The following PARP15 variants were observed in gnomAD, a reference collection of about 807,000 sequenced individuals.
The protein encoded by PARP15 is protein mono-ADP-ribosyltransferase PARP15.
Under a neutral mutation model 62.1 loss-of-function variants are expected in PARP15, and 50 were observed. That is an observed-to-expected ratio of 0.81 (90% CI 0.64 to 1.02). PARP15 has a LOEUF of 1.02. Ranked by LOEUF, PARP15 falls within the 50% of genes least tolerant of loss-of-function variation. The probability of loss-of-function intolerance (pLI) is 0.00; values close to 1 mark genes in which losing one functional copy is unlikely to be tolerated. For synonymous variants in PARP15, 309 were observed against 293.1 expected (o/e 1.05, Z -0.55); for missense variants, 820 against 826.5 (o/e 0.99, Z 0.10).
At chr3:122,621,957 C>T (rs554945613) in intron 8 of PARP15, among the ~76,000 whole-genome samples, 3 of 152,166 alleles carry the variant, frequency 2.0e-5, no homozygotes, top group Non-Finnish European at 4.4e-5. Context: ...TACCACCATG[C>T]CTGGCAAATA....
At chr3:122,595,705 ATTTT>A (rs975343119) in intron 1 of PARP15, among the ~76,000 whole-genome samples, 1 of 151,536 alleles carries the variant, frequency 6.6e-6, no homozygotes, top group Admixed American at 6.6e-5. Flanking sequence ...TAATTTTTGT[ATTTT>A]TTTTGTAGAG....
intron 1 of PARP15, among the ~76,000 whole-genome samples, chr3:122,605,551 T>C (rs1449472349): frequency 1.3e-5 from 2 of 152,200 alleles, no homozygotes; most frequent in African/African-American, 4.8e-5. Flanking sequence ...TATGAACACC[T>C]ATAAGGAAAG....
At chr3:122,594,430 T>G in intron 1 of PARP15, 1 of 474,322 alleles carries the variant, frequency 2.1e-6, no homozygotes, top group Non-Finnish European at 2.8e-6. Flanking sequence ...ATTATTACTA[T>G]TATCATATTA....
In PARP15 at chr3:122,590,137, C is replaced by A. The variant is rs1314700954; in HGVS notation, c.186+12284C>A. Among the ~76,000 whole-genome samples the A allele has an allele frequency of 2.6e-5, 4 of 152,060 alleles. No homozygotes were observed. In the East Asian group the frequency reaches 5.8e-4, roughly 22 times the overall value. The stretch of plus-strand genomic sequence containing the variant: ...TCCTGACCTCATGATCCACCCGCCT[C>A]GGCCTCCCAAAGTGCTGGGATTACA... On this transcript the variant is annotated intron_variant, in intron 1 of 11. Transcript: ENST00000464300.
intron 1 of PARP15, among the ~76,000 whole-genome samples, chr3:122,589,880 A>G (rs1933736490): frequency 6.9e-6 from 1 of 144,142 alleles, no homozygotes; most frequent in Non-Finnish European, 1.5e-5. Flanking sequence ...ATTATTTGTA[A>G]GGCATAACTT....
Position 122,632,185 on chromosome 3 carries a change from T to G in PARP15, c.1538T>G (p.Phe513Cys), listed in dbSNP as rs1431833657. ...GAATATAATACCATAAAGGACAAGT[T>G]CACCCGAACTTGTTCTTCCTACGCA... ...QSEYNTIKDK[F>C]TRTCSSYAIE... The change falls in exon 10 of 12, where the codon TTC becomes TGC. Residue 513 changes from phenylalanine to cysteine, a missense_variant. This residue lies in a region of PARP15 where 731 missense variants were observed against 727.7 expected (regional missense o/e 1.00). Coordinates refer to ENST00000464300, the MANE Select transcript of PARP15 (RefSeq NM_001113523.3). The G allele has an allele frequency of 2.5e-6, 4 of 1,613,784 alleles. No individual in the cohort carries two copies. Among genetic ancestry groups the G allele is most frequent in the East Asian group, 2.2e-5 (1 of 44,886 alleles).
intron 1 of PARP15, among the ~76,000 whole-genome samples, chr3:122,592,712 CTT>C (rs1169823717): frequency 6.6e-6 from 1 of 151,978 alleles, no homozygotes; most frequent in African/African-American, 2.4e-5. Context: ...AATGTTAACT[CTT>C]TTAATCTTCT....
rs114700766 is a variant in PARP15 at position 122,639,017 on chromosome 3, C to T, written c.*2917C>T. 730 of 152,084 alleles carry T rather than the reference C, an allele frequency of 4.8e-3. 3 individuals are homozygous for T. Among genetic ancestry groups the T allele is most frequent in the African/African-American group, 0.017 (694 of 41,496 alleles). The allele number at this position is 152,084 out of a possible 1,614,324, so 9.4% of individuals were successfully genotyped here. On this transcript the variant is annotated 3_prime_UTR_variant, in exon 12 of 12. Coordinates refer to ENST00000464300, the MANE Select transcript of PARP15 (RefSeq NM_001113523.3). ...TCATCTTGCAGTGTATCATTTTCCT[C>T]GTCATTAAATATTTTACGTATCATT...
At chr3:122,618,091 C>T (rs575085938) in intron 6 of PARP15, among the ~76,000 whole-genome samples, 6 of 152,064 alleles carry the variant, frequency 3.9e-5, no homozygotes, top group Admixed American at 6.5e-5. Flanking sequence ...TAAAATAAAA[C>T]GGAAATAGAA....
chr3:122,605,100 C>T (rs1935070528), intron 1 of PARP15, among the ~76,000 whole-genome samples: 1 of 152,118 alleles, frequency 6.6e-6, no homozygotes, highest in Non-Finnish European at 1.5e-5. Flanking sequence ...ATCAAATCAG[C>T]TCCCACTTAA....
chr3:122,616,931 G>A, intron 5 of PARP15, 84 bp from the exon 6 acceptor site: 1 of 1,454,092 alleles, frequency 6.9e-7, no homozygotes, highest in Non-Finnish European at 9.4e-7. Context: ...GGGCTGAGCT[G>A]GGAAGAGAAT....
At chr3:122,623,712 C>T (rs1936498438) in intron 8 of PARP15, among the ~76,000 whole-genome samples, 1 of 152,328 alleles carries the variant, frequency 6.6e-6, no homozygotes, top group East Asian at 1.9e-4. Context: ...TTTATGTCTT[C>T]TCTGCCCCGT....
chr3:122,616,311 A>G (rs1047335590), intron 5 of PARP15, among the ~76,000 whole-genome samples: 4 of 149,954 alleles, frequency 2.7e-5, no homozygotes, highest in Admixed American at 6.6e-5. Context: ...GTTAAAGGTA[A>G]CTTCCTCTGA....
intron 8 of PARP15, among the ~76,000 whole-genome samples, chr3:122,625,345 C>T (rs1322320703): frequency 6.6e-6 from 1 of 152,118 alleles, no homozygotes; most frequent in Non-Finnish European, 1.5e-5. Flanking sequence ...CCTCCACCTC[C>T]CTGGTTCAAG....
intron 6 of PARP15, among the ~76,000 whole-genome samples, chr3:122,618,994 A>T (rs745680856): frequency 3.9e-5 from 6 of 152,220 alleles, no homozygotes; most frequent in Non-Finnish European, 5.9e-5. Flanking sequence ...AGATTTTTTT[A>T]AAAAGAGACA....
chr3:122,624,194 C>T (rs1038335914), intron 8 of PARP15, among the ~76,000 whole-genome samples: 14 of 151,784 alleles, frequency 9.2e-5, no homozygotes, highest in Admixed American at 3.9e-4. Flanking sequence ...GCTTACTAGA[C>T]GCAGTCTATT....
At chr3:122,591,147 A>C (rs1214028069) in intron 1 of PARP15, among the ~76,000 whole-genome samples, 1 of 152,236 alleles carries the variant, frequency 6.6e-6, no homozygotes, top group Non-Finnish European at 1.5e-5. Context: ...ATAAAGGCCA[A>C]ATCCTTTCAA....
At chr3:122,621,104 C>G (rs1936311830) in intron 7 of PARP15, among the ~76,000 whole-genome samples, 1 of 152,144 alleles carries the variant, frequency 6.6e-6, no homozygotes, top group African/African-American at 2.4e-5. Flanking sequence ...CCTAGGCAAT[C>G]TTTAGCTACT....
chr3:122,613,070 G>T lies in PARP15; in HGVS notation c.573G>T (p.Leu191Phe). The T allele has an allele frequency of 1.3e-6, 2 of 1,551,810 alleles. No individual in the cohort carries two copies. The highest frequency in any genetic ancestry group is 2.4e-5 in the South Asian group (2 of 84,024). Reference sequence around the variant, plus strand: ...TGGCAAATATAATCAAGAAATGTTTGACAACTGTAGAAGTGCTATCTTTCT... The same window carrying T: ...TGGCAAATATAATCAAGAAATGTTTTACAACTGTAGAAGTGCTATCTTTCT... ...QIMANIIKKC[L>F]TTVEVLSFSS... Residue 191 changes from leucine (L) to phenylalanine (F), a missense_variant, in exon 4 of 12, where the codon TTG becomes TTT. Transcript: ENST00000464300.
Sources: gnomAD v4.1 joint callset for allele counts (sites outside exome capture counted in the v4.1 genomes callset) on GRCh38, gnomAD v4.1.1 for gene constraint, gnomAD v4.1.1 regional missense constraint, MANE v1.5 for transcripts, NCBI Gene and HGNC (gene_info 2026-07-23, HGNC 2026-07-21) for gene names.